RPS6KC1: variants seen among roughly 807,000 people sequenced by gnomAD.
RPS6KC1 encodes the protein inactive ribosomal protein S6 kinase delta-1.
A neutral mutation model predicts 103.8 loss-of-function variants in RPS6KC1; 54 were observed. That is an observed-to-expected ratio of 0.52 (90% CI 0.42 to 0.65). The LOEUF (loss-of-function observed/expected upper bound fraction) is 0.65. Ranked by LOEUF, RPS6KC1 falls within the 30% of genes least tolerant of loss-of-function variation. RPS6KC1 has a pLI of 0.00. For synonymous variants in RPS6KC1, 439 were observed against 438.7 expected (o/e 1.00, Z -0.01); for missense variants, 1,151 against 1,253.8 (o/e 0.92, Z 1.24).
the RPS6KC1 span, among the ~76,000 whole-genome samples, chr1:213,824,693 C>A: frequency 0.034 from 5,103 of 152,254 alleles, 275 homozygotes; most frequent in African/African-American, 0.12. Context: ...TTTCCCTGCG[C>A]AAGCTCTCTC....
the RPS6KC1 span, among the ~76,000 whole-genome samples, chr1:213,716,950 G>A: frequency 6.6e-6 from 1 of 152,216 alleles, no homozygotes; most frequent in Non-Finnish European, 1.5e-5. Flanking sequence ...TTCCCAAGAT[G>A]AGCTAATTAT....
chr1:213,071,151 C>T (rs937641955), intron 2 of RPS6KC1, 110 bp downstream of exon 2: 70 of 599,962 alleles, frequency 1.2e-4, no homozygotes, highest in East Asian at 9.3e-4. Flanking sequence ...TTTTTTGAGA[C>T]GGAGTTTCGC....
At chr1:213,333,584 C>T in the RPS6KC1 span, among the ~76,000 whole-genome samples, 1 of 152,184 alleles carries the variant, frequency 6.6e-6, no homozygotes, top group Non-Finnish European at 1.5e-5. Flanking sequence ...AAGCTCTTTC[C>T]TATGTACCTG....
intron 1 of RPS6KC1, among the ~76,000 whole-genome samples, chr1:213,062,151 C>A (rs573864248): frequency 1.7e-4 from 26 of 151,994 alleles, no homozygotes; most frequent in African/African-American, 6.3e-4. Flanking sequence ...GTTTGAAATC[C>A]AAAATGCTCC....
the RPS6KC1 span, chr1:213,840,056 A>G: frequency 2.6e-5 from 4 of 152,262 alleles, 1 homozygote; most frequent in South Asian, 8.3e-4. Context: ...TCCTGTTGCC[A>G]GCTCGTGCAC....
intron 7 of RPS6KC1, among the ~76,000 whole-genome samples, chr1:213,175,960 C>T (rs1442189954): frequency 6.6e-6 from 1 of 152,162 alleles, no homozygotes; most frequent in Non-Finnish European, 1.5e-5. Context: ...GTGCCCCTCC[C>T]TCCCCATGTG....
the RPS6KC1 span, among the ~76,000 whole-genome samples, chr1:213,543,550 A>T: frequency 6.6e-6 from 1 of 152,194 alleles, no homozygotes; most frequent in African/African-American, 2.4e-5. Context: ...GATCCTTAGA[A>T]GATTGAAGCC....
chr1:213,395,646 GTAAA>G, the RPS6KC1 span, among the ~76,000 whole-genome samples: 1 of 152,192 alleles, frequency 6.6e-6, no homozygotes, highest in African/African-American at 2.4e-5. Context: ...TTTCTGTAGT[GTAAA>G]TACTCTCTCA....
At chr1:213,320,032 C>T in the RPS6KC1 span, among the ~76,000 whole-genome samples, 1 of 152,208 alleles carries the variant, frequency 6.6e-6, no homozygotes, top group Non-Finnish European at 1.5e-5. Flanking sequence ...GAGCTTGTAG[C>T]ACAGTCAGCC....
chr1:213,068,483 C>CA (rs71147057), intron 1 of RPS6KC1, among the ~76,000 whole-genome samples: 25,111 of 36,222 alleles, frequency 0.69, 10,268 homozygotes, highest in Non-Finnish European at 0.75. Flanking sequence ...GACTCTGTCT[C>CA]AAAAAAAAAA....
At chr1:213,557,575 T>C in the RPS6KC1 span, among the ~76,000 whole-genome samples, 5 of 152,190 alleles carry the variant, frequency 3.3e-5, no homozygotes, top group African/African-American at 1.2e-4. Context: ...GCCTTCTAGG[T>C]TGATTTGAAG....
At chr1:213,399,599 T>C in the RPS6KC1 span, among the ~76,000 whole-genome samples, 1 of 152,076 alleles carries the variant, frequency 6.6e-6, no homozygotes. Flanking sequence ...TCTTAAAAGA[T>C]ATCCAGACCT....
At chr1:213,664,555 A>G in the RPS6KC1 span, among the ~76,000 whole-genome samples, 5 of 152,194 alleles carry the variant, frequency 3.3e-5, no homozygotes, top group East Asian at 9.7e-4. Context: ...CATATAACTA[A>G]AGAAGAAATC....
the RPS6KC1 span, among the ~76,000 whole-genome samples, chr1:213,633,573 G>A: frequency 3.3e-5 from 5 of 151,908 alleles, no homozygotes; most frequent in Admixed American, 6.6e-5. Flanking sequence ...AGGAACAACC[G>A]GTACCAGCCA....
At chr1:213,328,031 A>AT in the RPS6KC1 span, among the ~76,000 whole-genome samples, 2 of 148,342 alleles carry the variant, frequency 1.3e-5, no homozygotes, top group East Asian at 3.9e-4. Flanking sequence ...TCTGAAATTT[A>AT]TTTTTTTAGT....
chr1:213,343,440 T>TATACATATATATACAC, the RPS6KC1 span, among the ~76,000 whole-genome samples: 1 of 80,382 alleles, frequency 1.2e-5, no homozygotes, highest in Non-Finnish European at 2.5e-5. Context: ...TATATATATA[T>TATACATATATATACAC]ACATACCATG....
At chr1:213,391,795 A>G in the RPS6KC1 span, among the ~76,000 whole-genome samples, 2 of 152,226 alleles carry the variant, frequency 1.3e-5, no homozygotes, top group Non-Finnish European at 2.9e-5. Context: ...CATGCAAAGA[A>G]TTATTTTTAT....
At chr1:213,557,263 T>A in the RPS6KC1 span, among the ~76,000 whole-genome samples, 6 of 152,186 alleles carry the variant, frequency 3.9e-5, no homozygotes. Context: ...ATGCTCTGAG[T>A]TCATCAACCC....
intron 7 of RPS6KC1, among the ~76,000 whole-genome samples, chr1:213,170,408 CT>C (rs918354777): frequency 6.6e-6 from 1 of 152,136 alleles, no homozygotes; most frequent in Non-Finnish European, 1.5e-5. Context: ...CATTAAGCAT[CT>C]TTTAAGACTG....
Sources: gnomAD v4.1 joint callset for allele counts (sites outside exome capture counted in the v4.1 genomes callset) on GRCh38, gnomAD v4.1.1 for gene constraint, MANE v1.5 for transcripts, NCBI Gene and HGNC (gene_info 2026-07-23, HGNC 2026-07-21) for gene names.